NEK1: variants seen among roughly 807,000 people sequenced by gnomAD.
NEK1 encodes the protein serine/threonine-protein kinase Nek1.
A neutral mutation model predicts 182.1 loss-of-function variants in NEK1; 137 were observed. That is an observed-to-expected ratio of 0.75 (90% CI 0.65 to 0.87). The LOEUF is 0.87. Ranked by LOEUF, NEK1 falls within the 40% of genes least tolerant of loss-of-function variation. The probability of loss-of-function intolerance (pLI) is 0.00; values close to 1 mark genes in which losing one functional copy is unlikely to be tolerated. For synonymous variants in NEK1, 513 were observed against 492.2 expected (o/e 1.04, Z -0.56); for missense variants, 1,391 against 1,494.4 (o/e 0.93, Z 1.14).
chr4:169,487,871 T>C (rs1749329501), intron 23 of NEK1, among the ~76,000 whole-genome samples: 2 of 152,200 alleles, frequency 1.3e-5, no homozygotes, highest in African/African-American at 2.4e-5. Context: ...TGATGTGATA[T>C]GGTATTTCTC....
intron 10 of NEK1, among the ~76,000 whole-genome samples, chr4:169,582,359 G>A (rs1321747906): frequency 6.6e-6 from 1 of 152,074 alleles, no homozygotes; most frequent in Non-Finnish European, 1.5e-5. Context: ...CAAACTGTCA[G>A]GCTCCACTTC....
At chr4:169,594,703 C>A (rs933534880) in intron 5 of NEK1, among the ~76,000 whole-genome samples, 1 of 152,176 alleles carries the variant, frequency 6.6e-6, no homozygotes, top group Non-Finnish European at 1.5e-5. Flanking sequence ...ATACTTCTCA[C>A]TAAAACTATT....
At chr4:169,489,086 G>T (rs971790870) in intron 23 of NEK1, among the ~76,000 whole-genome samples, 2 of 152,100 alleles carry the variant, frequency 1.3e-5, no homozygotes, top group African/African-American at 2.4e-5. Flanking sequence ...CTATACCAGT[G>T]TGCATTAAAT....
chr4:169,563,374 T>TA (rs1031564898), intron 12 of NEK1, among the ~76,000 whole-genome samples: 1 of 143,446 alleles, frequency 7.0e-6, no homozygotes, highest in Non-Finnish European at 1.5e-5. Context: ...AAAATAAAAA[T>TA]AAAAAAATCA....
At position 169,479,432 on chromosome 4, in the gene NEK1, CAGAAA is replaced by C. The variant is rs747734256; in HGVS notation, c.2105_2109del (p.Ile702SerfsTer13). On this transcript the variant is annotated frameshift_variant, in exon 24 of 36. Transcript: ENST00000507142. LOFTEE classifies it high-confidence loss of function. ...CCAACTTCTTTCAAAGCTGAAGTTACAGAAATAACAGATCTCATCTGTTGCTTTGA... is the reference window on the plus strand; with the variant it reads ...CCAACTTCTTTCAAAGCTGAAGTTACTAACAGATCTCATCTGTTGCTTTGA... The C allele has an allele frequency of 6.2e-7, 1 of 1,611,276 alleles. No individual in the cohort carries two copies. Among genetic ancestry groups the C allele is most frequent in the Admixed American group, 1.7e-5 (1 of 59,842 alleles).
chr4:169,440,553 A>AATGCT (rs1302999616), intron 27 of NEK1, among the ~76,000 whole-genome samples: 2 of 152,206 alleles, frequency 1.3e-5, no homozygotes, highest in Non-Finnish European at 2.9e-5. Context: ...AGATAATAAC[A>AATGCT]CATTGAATAG....
At chr4:169,560,185 C>T (rs1309272724) in intron 16 of NEK1, among the ~76,000 whole-genome samples, 2 of 152,202 alleles carry the variant, frequency 1.3e-5, no homozygotes, top group Non-Finnish European at 2.9e-5. Context: ...GTCCCCTCCT[C>T]AGGATCTCAC....
At chr4:169,583,842 T>G (rs560021723) in intron 10 of NEK1, among the ~76,000 whole-genome samples, 1 of 152,356 alleles carries the variant, frequency 6.6e-6, no homozygotes, top group South Asian at 2.1e-4. Flanking sequence ...CAAATTTTAT[T>G]TGGCTTTCTT....
At chr4:169,481,777 C>T (rs1748072692) in intron 23 of NEK1, among the ~76,000 whole-genome samples, 1 of 152,140 alleles carries the variant, frequency 6.6e-6, no homozygotes, top group Non-Finnish European at 1.5e-5. Flanking sequence ...GCACTGGCTT[C>T]AACTTAAAGT....
chr4:169,425,692 A>C (rs1242443454), intron 30 of NEK1, among the ~76,000 whole-genome samples: 1 of 151,976 alleles, frequency 6.6e-6, no homozygotes, highest in Non-Finnish European at 1.5e-5. Context: ...AATTTAAAAA[A>C]TTTTTTGTAG....
chr4:169,573,157 C>G (rs559549529), intron 12 of NEK1, among the ~76,000 whole-genome samples: 1 of 152,318 alleles, frequency 6.6e-6, no homozygotes, highest in South Asian at 2.1e-4. Context: ...TTGATCCTAA[C>G]TGGGAACAGA....
intron 24 of NEK1, among the ~76,000 whole-genome samples, chr4:169,478,742 C>G (rs1747434989): frequency 6.6e-6 from 1 of 152,100 alleles, no homozygotes; most frequent in Non-Finnish European, 1.5e-5. Flanking sequence ...ATTCAGTAGA[C>G]TTTTCTCCTC....
intron 13 of NEK1, 37 bp downstream of exon 13, chr4:169,562,100 G>T (rs1763014866): frequency 7.1e-7 from 1 of 1,417,692 alleles, no homozygotes; most frequent in Non-Finnish European, 9.6e-7. Context: ...AATTATGTTT[G>T]CAAAGCTTTA....
In NEK1 at chr4:169,412,003, C is replaced by T. The variant is rs1733760762; in HGVS notation, c.3223-5256G>A. Among the ~76,000 whole-genome samples, 5 of 152,104 alleles carry T rather than the reference C, an allele frequency of 3.3e-5. No individual in the cohort carries two copies. The South Asian group carries it at 1.0e-3, about 32-fold the overall frequency. On this transcript the variant is annotated intron_variant, in intron 31 of 35. Coordinates refer to ENST00000507142, the MANE Select transcript of NEK1 (RefSeq NM_001199397.3). The stretch of plus-strand genomic sequence containing the variant: ...TTCACTAGCCTTGCTTCAATTTTTC[C>T]AATTATTTATGATCATGTATTTTAT...
intron 32 of NEK1, among the ~76,000 whole-genome samples, chr4:169,406,395 T>C (rs1178742737): frequency 6.6e-6 from 1 of 151,346 alleles, no homozygotes; most frequent in Non-Finnish European, 1.5e-5. Flanking sequence ...CTAATGACAT[T>C]ATAGCCACTG....
At chr4:169,430,356 T>C (rs967045295) in intron 29 of NEK1, among the ~76,000 whole-genome samples, 21 of 152,148 alleles carry the variant, frequency 1.4e-4, no homozygotes, top group Non-Finnish European at 2.6e-4. Flanking sequence ...CTAATTTATT[T>C]GTATTTTTAG....
At chr4:169,599,789 C>T (rs1348716051) in intron 4 of NEK1, among the ~76,000 whole-genome samples, 1 of 152,066 alleles carries the variant, frequency 6.6e-6, no homozygotes, top group Non-Finnish European at 1.5e-5. Flanking sequence ...AAGATGGGCA[C>T]TGCCCCATCC....
chr4:169,535,748 C>CA (rs1758381046), intron 19 of NEK1, among the ~76,000 whole-genome samples: 1 of 151,364 alleles, frequency 6.6e-6, no homozygotes, highest in Non-Finnish European at 1.5e-5. Flanking sequence ...AGCGTGGTGA[C>CA]AGACGCCTGG....
At chr4:169,518,843 T>C (rs551314803) in intron 19 of NEK1, among the ~76,000 whole-genome samples, 1 of 101,176 alleles carries the variant, frequency 9.9e-6, no homozygotes. Context: ...TCCTCAGTTC[T>C]AGTTTGATTG....
Sources: gnomAD v4.1 joint callset for allele counts (sites outside exome capture counted in the v4.1 genomes callset) on GRCh38, gnomAD v4.1.1 for gene constraint, MANE v1.5 for transcripts, NCBI Gene and HGNC (gene_info 2026-07-23, HGNC 2026-07-21) for gene names.